SLC35F2: variants seen among roughly 807,000 people sequenced by gnomAD.
SLC35F2 encodes the protein queuine/queuosine transporter SLC35F2.
In SLC35F2, 25 loss-of-function variants were observed where a neutral mutation model predicts 38.1. The observed-to-expected ratio is 0.66, with a 90% CI of 0.48 to 0.92. The LOEUF is 0.92. SLC35F2 is among the 40% of genes least tolerant of loss of function. The pLI, the probability that SLC35F2 is intolerant of heterozygous loss-of-function variation, is 0.00. For synonymous variants in SLC35F2, 173 were observed against 181.7 expected, an observed-to-expected ratio of 0.95 and a Z score of 0.38; for missense variants, 409 against 452.9, an observed-to-expected ratio of 0.90 and a Z score of 0.88.
chr11:107,851,061 G>C (rs573766790), intron 1 of SLC35F2, among the ~76,000 whole-genome samples: 1 of 151,652 alleles, frequency 6.6e-6, no homozygotes, highest in Admixed American at 6.6e-5. Context: ...TCAGGAGTTC[G>C]AGACCAGCCT....
intron 7 of SLC35F2, among the ~76,000 whole-genome samples, chr11:107,797,459 G>C (rs999640588): frequency 3.3e-5 from 5 of 151,996 alleles, no homozygotes; most frequent in Non-Finnish European, 7.4e-5. Context: ...AGGCTAAGGT[G>C]GGAGGATCAC....
chr11:107,793,981 C>T (rs940902764), intron 7 of SLC35F2, among the ~76,000 whole-genome samples: 1 of 151,688 alleles, frequency 6.6e-6, no homozygotes, highest in Non-Finnish European at 1.5e-5. Flanking sequence ...ATGATATACC[C>T]CAAAAGTCTA....
intron 2 of SLC35F2, among the ~76,000 whole-genome samples, chr11:107,815,091 A>G (rs898280054): frequency 1.1e-4 from 16 of 151,986 alleles, no homozygotes; most frequent in Non-Finnish European, 1.6e-4. Flanking sequence ...AAAAAGAGAG[A>G]GAGACCTGAG....
intron 1 of SLC35F2, among the ~76,000 whole-genome samples, chr11:107,856,250 C>T (rs1860279488): frequency 6.6e-6 from 1 of 152,196 alleles, no homozygotes; most frequent in African/African-American, 2.4e-5. Context: ...ACCAAATGTT[C>T]CCATCACCCA....
intron 1 of SLC35F2, chr11:107,821,606 T>C: frequency 1.0e-6 from 1 of 985,466 alleles, no homozygotes; most frequent in Non-Finnish European, 1.2e-6. Context: ...TCCTGGTTCA[T>C]GTGAATTCTG....
At chr11:107,802,242 A>AAAAAAAAAAAAAAAATAAATAAAT (rs559048077) in intron 7 of SLC35F2, among the ~76,000 whole-genome samples, 5 of 147,890 alleles carry the variant, frequency 3.4e-5, no homozygotes, top group African/African-American at 1.3e-4. Context: ...CATCTCAAAA[A>AAAAAAAAAAAAAAAATAAATAAAT]AAATAAATAA....
chr11:107,809,329 C>CAAAAAAAAAAAAAAAAA (rs61511493), intron 3 of SLC35F2, among the ~76,000 whole-genome samples: 3 of 96,120 alleles, frequency 3.1e-5, no homozygotes, highest in African/African-American at 7.0e-5. Context: ...ACTCAAAATA[C>CAAAAAAAAAAAAAAAAA]AAAAAAAAAA....
intron 1 of SLC35F2, 85 bp downstream of exon 1, chr11:107,858,573 A>T (rs1384030931): frequency 8.5e-7 from 1 of 1,178,400 alleles, no homozygotes; most frequent in Non-Finnish European, 1.1e-6. Flanking sequence ...GGGGCCTCAG[A>T]GAGTGTGCTC....
chr11:107,854,615 TG>T (rs921124493), intron 1 of SLC35F2, among the ~76,000 whole-genome samples: 1 of 152,114 alleles, frequency 6.6e-6, no homozygotes, highest in Admixed American at 6.6e-5. Flanking sequence ...GTCTGGCACA[TG>T]GTAAGTGTTC....
intron 2 of SLC35F2, among the ~76,000 whole-genome samples, chr11:107,813,469 GAAAAACA>G (rs761959435): frequency 8.6e-5 from 13 of 152,024 alleles, no homozygotes; most frequent in Admixed American, 2.0e-4. Flanking sequence ...CGTCTCAGAA[GAAAAACA>G]AAAAACAAAA....
At position 107,833,958 on chromosome 11, in the gene SLC35F2, C is replaced by T. The variant is rs531421296; in HGVS notation, c.111-17993G>A. Among the ~76,000 whole-genome samples the T allele has an allele frequency of 2.0e-5, 3 of 152,340 alleles. No individual in the cohort carries two copies. The South Asian group carries it at 6.2e-4, about 32-fold the overall frequency. On this transcript the variant is annotated intron_variant, in intron 1 of 7. Coordinates refer to ENST00000525815, the MANE Select transcript of SLC35F2 (RefSeq NM_017515.5). ...AAAAGCAACGGAACCAGGTGTGGGGCTCTAAATCTTTCATTAGAGTTAGAT... is the reference window on the plus strand; with the variant it reads ...AAAAGCAACGGAACCAGGTGTGGGGTTCTAAATCTTTCATTAGAGTTAGAT...
At chr11:107,839,075 G>C (rs186170027) in intron 1 of SLC35F2, among the ~76,000 whole-genome samples, 2 of 152,098 alleles carry the variant, frequency 1.3e-5, no homozygotes, top group Non-Finnish European at 2.9e-5. Context: ...CATTTTTCCC[G>C]TTCCATACAC....
chr11:107,812,392 A>G (rs768595332), intron 2 of SLC35F2, among the ~76,000 whole-genome samples: 1 of 152,134 alleles, frequency 6.6e-6, no homozygotes, highest in Non-Finnish European at 1.5e-5. Context: ...CCTTTCCCAA[A>G]TGGGCACAGT....
chr11:107,801,025 T>C (rs1472018609), intron 7 of SLC35F2, among the ~76,000 whole-genome samples: 658 of 147,430 alleles, frequency 4.5e-3, no homozygotes, highest in Middle Eastern at 0.011. Flanking sequence ...CTGCCTCGGC[T>C]TCCCGAGTAG....
chr11:107,802,242 A>AAAAAAAAAAAAAAATAAAT lies in SLC35F2; in HGVS notation c.939+758_939+759insATTTATTTTTTTTTTTTTT, dbSNP rs559048077. On this transcript the variant is annotated intron_variant, in intron 7 of 7. Coordinates refer to ENST00000525815, the MANE Select transcript of SLC35F2 (RefSeq NM_017515.5). ...AACAGAGTGAGACTCCATCTCAAAA[A>AAAAAAAAAAAAAAATAAAT]AAATAAATAAATAATAAAATAAAAT... Among the ~76,000 whole-genome samples the AAAAAAAAAAAAAAATAAAT allele has an allele frequency of 7.3e-3, 1,083 of 147,826 alleles. 15 individuals are homozygous for AAAAAAAAAAAAAAATAAAT. The highest frequency in any genetic ancestry group is 0.031 in the Middle Eastern group (9 of 286).
chr11:107,806,665 A>C, intron 4 of SLC35F2, 52 bp downstream of exon 4: 1 of 1,513,656 alleles, frequency 6.6e-7, no homozygotes, highest in Non-Finnish European at 8.9e-7. Flanking sequence ...TAAAAGTGAA[A>C]ACATAAACAA....
At chr11:107,810,093 C>G (rs1392713529) in intron 3 of SLC35F2, 24 of 985,286 alleles carry the variant, frequency 2.4e-5, no homozygotes, top group Non-Finnish European at 2.8e-5. Flanking sequence ...TTTGGACTAC[C>G]CAGGCCAGAG....
Position 107,807,003 on chromosome 11 carries a change from G to A in SLC35F2, c.415-127C>T. The A allele has an allele frequency of 3.8e-6, 3 of 779,750 alleles. No homozygotes were observed. In the South Asian group the frequency reaches 5.6e-5, roughly 15 times the overall value. 48.3% of individuals were successfully genotyped at this position (779,750 alleles called of 1,614,324 possible). A position where few individuals can be genotyped will look rare whatever the true frequency, so the allele number is the denominator to read the frequency against. On this transcript the variant is annotated intron_variant, in intron 3 of 7. Coordinates refer to ENST00000525815, the MANE Select transcript of SLC35F2 (RefSeq NM_017515.5). Reference sequence around the variant, plus strand: ...ATTTATTGAGCATTTATTATTGCCAGCCCTGTACTAAGAGCTTTACCTGGA... The same window carrying A: ...ATTTATTGAGCATTTATTATTGCCAACCCTGTACTAAGAGCTTTACCTGGA...
At position 107,791,473 on chromosome 11, in the gene SLC35F2, T is replaced by A. The variant is rs1859130429; in HGVS notation, c.*1142A>T. On this transcript the variant is annotated 3_prime_UTR_variant, in exon 8 of 8. Coordinates refer to ENST00000525815, the MANE Select transcript of SLC35F2 (RefSeq NM_017515.5). ...GAGCTCTGAAAACTGTTGGAGAGTA[T>A]GACCTGGGACTGAAACTGTGGAGCA... is the stretch of plus-strand genomic sequence containing the variant. 1 of 152,154 alleles carries A rather than the reference T, an allele frequency of 6.6e-6. No individual in the cohort carries two copies. Among genetic ancestry groups the A allele is most frequent in the African/African-American group, 2.4e-5 (1 of 41,440 alleles). The allele number at this position is 152,154 out of a possible 1,614,324, so 9.4% of individuals were successfully genotyped here. A position where few individuals can be genotyped will look rare whatever the true frequency, so the allele number is the denominator to read the frequency against.
Sources: gnomAD v4.1 joint callset for allele counts (sites outside exome capture counted in the v4.1 genomes callset) on GRCh38, gnomAD v4.1.1 for gene constraint, MANE v1.5 for transcripts, NCBI Gene and HGNC (gene_info 2026-07-23, HGNC 2026-07-21) for gene names.